The following LYST variants were observed in gnomAD, a reference collection of about 807,000 sequenced individuals.
The protein encoded by LYST is lysosomal-trafficking regulator.
A neutral mutation model predicts 413.6 loss-of-function variants in LYST; 192 were observed. That is an observed-to-expected ratio of 0.46 (90% CI 0.41 to 0.52). The LOEUF is 0.52. Among genes scored for constraint, LYST ranks in the 20% least tolerant of loss-of-function variants. The pLI is 0.00. For missense variants in LYST, 3,815 were observed against 4,499.9 expected (o/e 0.85, Z 4.35); for synonymous variants, 1,525 against 1,567.3 (o/e 0.97, Z 0.64).
rs1393953836 is a variant in LYST, at chr1:235,833,671, C to T, written c.-97-4G>A. On this transcript the variant is annotated splice_polypyrimidine_tract_variant and splice_region_variant and intron_variant, in intron 1 of 52. Transcript: ENST00000389793. ...TATTCTTAGAACAAAGCTTCACCTA[C>T]AAAAAAAAAGACATATTAATCACAA... The T allele has an allele frequency of 7.6e-6, 6 of 787,634 alleles. No individual in the cohort carries two copies. Among genetic ancestry groups the T allele is most frequent in the Non-Finnish European group, 7.7e-6 (5 of 650,632 alleles). The allele number at this position is 787,634 out of a possible 1,614,324, so 48.8% of individuals were successfully genotyped here. A position where few individuals can be genotyped will look rare whatever the true frequency, so the allele number is the denominator to read the frequency against.
chr1:235,708,266 C>T (rs368003763), intron 44 of LYST, among the ~76,000 whole-genome samples: 20 of 152,248 alleles, frequency 1.3e-4, no homozygotes, highest in African/African-American at 4.6e-4. Flanking sequence ...AAATTTCTCC[C>T]TGTTGCTAGT....
upstream of LYST, among the ~76,000 whole-genome samples, chr1:235,871,692 C>T (rs1364151591): frequency 6.6e-6 from 1 of 152,196 alleles, no homozygotes; most frequent in Non-Finnish European, 1.5e-5. Context: ...CTTTTGCTTT[C>T]TAAGGACACC....
At chr1:235,711,277 A>C (rs1345637898) in intron 43 of LYST, among the ~76,000 whole-genome samples, 21 of 152,220 alleles carry the variant, frequency 1.4e-4, no homozygotes. Flanking sequence ...CCCAAATTGC[A>C]GGTGCTGATG....
At chr1:235,840,629 G>C (rs568204211) in intron 1 of LYST, among the ~76,000 whole-genome samples, 1 of 152,270 alleles carries the variant, frequency 6.6e-6, no homozygotes, top group Admixed American at 6.5e-5. Context: ...AGTCAGGGCT[G>C]AGACTCACTG....
intron 1 of LYST, among the ~76,000 whole-genome samples, chr1:235,838,948 T>TTC (rs1000434558): frequency 9.9e-5 from 15 of 151,984 alleles, no homozygotes; most frequent in Admixed American, 7.9e-4. Context: ...GTCATACTCA[T>TTC]TCTCTCTCTC....
At position 235,802,925 on chromosome 1, in the gene LYST, C is replaced by T. The variant is rs760214066; in HGVS notation, c.3695G>A (p.Gly1232Asp). 3 of 1,613,522 alleles carry T rather than the reference C, an allele frequency of 1.9e-6. No homozygotes were observed. The highest frequency in any genetic ancestry group is 1.7e-5 in the Admixed American group (1 of 60,020). The change falls in exon 8 of 53, where the codon GGC becomes GAC. Residue 1232 changes from glycine (G) to aspartate (D), a missense_variant. Physicochemically the swap from Gly to Asp is moderately conservative, Grantham distance 94. Around this residue, in one of 4 missense-constraint regions of LYST, gnomAD observed 1,648 missense variants for 1,810.3 expected, o/e 0.91. Transcript: ENST00000389793. ...EADSESNPED[G>D]ETQDDGVDLK... ...TATTTTACCATCATCCTGGGTTTCG[C>T]CATCTTCAGGATTGCTTTCACTATC...
At chr1:235,685,970 G>GA (rs914689400) in intron 48 of LYST, among the ~76,000 whole-genome samples, 9 of 152,010 alleles carry the variant, frequency 5.9e-5, no homozygotes, top group African/African-American at 1.9e-4. Flanking sequence ...AATTATAATG[G>GA]AAAAAAATGC....
rs1196487671 is a variant in LYST at position 235,771,929 on chromosome 1, T to G, written c.5785-1632A>C. On this transcript the variant is annotated intron_variant, in intron 19 of 52. Transcript: ENST00000389793. ...GGTTTTTTAGTTTGTTTTTTTTTTT[T>G]TTTTTTTTTTTGGCCAGGCATGGGG... Among the ~76,000 whole-genome samples the G allele has an allele frequency of 2.2e-4, 32 of 147,140 alleles. No homozygotes were observed. The East Asian group carries it at 6.1e-3, about 28-fold the overall frequency.
At chr1:235,715,425 A>G in intron 41 of LYST, 68 bp from the exon 42 acceptor site, 6 of 1,500,878 alleles carry the variant, frequency 4.0e-6, no homozygotes, top group South Asian at 2.3e-5. Flanking sequence ...AAAGTGCTGG[A>G]TGTTTTTTTT....
chr1:235,880,009 T>C lies in LYST; in HGVS notation n.454+3178A>G, dbSNP rs147830213. On this transcript the variant is annotated intron_variant and non_coding_transcript_variant, in intron 1 of 11. Coordinates refer to the LYST transcript ENST00000465349. The stretch of plus-strand genomic sequence containing the variant: ...ACCTCAGCCTCCCAAAGTGCTGGGA[T>C]TACAGGTGTGAGCCACCATGCCCAG... Among the ~76,000 whole-genome samples, 38 of 152,338 alleles carry C rather than the reference T, an allele frequency of 2.5e-4. No homozygotes were observed. The East Asian group carries it at 6.9e-3, about 28-fold the overall frequency.
At chr1:235,712,796 T>A (rs1662508465) in intron 42 of LYST, 1 of 984,642 alleles carries the variant, frequency 1.0e-6, no homozygotes, top group African/African-American at 1.7e-5. Flanking sequence ...ATAAGCATAG[T>A]CACTCTTTCG....
intron 3 of LYST, among the ~76,000 whole-genome samples, chr1:235,825,266 C>T (rs2474929): frequency 0.3 from 45,916 of 151,964 alleles, 9,030 homozygotes; most frequent in East Asian, 0.78. Context: ...GGTGAAATAC[C>T]TCATGCTTCT....
chr1:235,783,837 AT>A (rs1315066452), intron 14 of LYST, among the ~76,000 whole-genome samples: 36 of 151,350 alleles, frequency 2.4e-4, no homozygotes, highest in African/African-American at 7.8e-4. Flanking sequence ...CTGTTACCTT[AT>A]TTTAAAAGGC....
chr1:235,759,648 A>C, intron 22 of LYST, 49 bp from the exon 23 acceptor site: 1 of 1,372,414 alleles, frequency 7.3e-7, no homozygotes, highest in East Asian at 2.3e-5. Context: ...ATTAAGTGGA[A>C]CCACCTCTCT....
intron 45 of LYST, among the ~76,000 whole-genome samples, chr1:235,701,890 G>A (rs1661581324): frequency 6.6e-6 from 1 of 152,130 alleles, no homozygotes; most frequent in Non-Finnish European, 1.5e-5. Flanking sequence ...AGCTATGAGC[G>A]CAAATAATTT....
At chr1:235,707,908 T>A (rs1293710199) in intron 44 of LYST, among the ~76,000 whole-genome samples, 1 of 152,170 alleles carries the variant, frequency 6.6e-6, no homozygotes, top group Non-Finnish European at 1.5e-5. Flanking sequence ...ATTATTTACT[T>A]AGCAGTTCAG....
In LYST at chr1:235,715,226, G is replaced by A. The variant is rs1662730808; in HGVS notation, c.9759C>T (p.Phe3253=). The part of the protein sequence containing the change: ...VLHFLVRMPP[F]TKMFLAYQDQ... ...CTTGATAGGCTAAAAACATTTTAGT[G>A]AAAGGAGGCATCCTGACCAGGAAGT... The change falls in exon 42 of 53, where the codon TTC becomes TTT. Residue 3253 remains phenylalanine, a synonymous_variant. Coordinates refer to ENST00000389793, the MANE Select transcript of LYST (RefSeq NM_000081.4). 1 of 1,613,906 alleles carries A rather than the reference G, an allele frequency of 6.2e-7. No homozygotes were observed. The highest frequency in any genetic ancestry group is 8.5e-7 in the Non-Finnish European group (1 of 1,179,966).
chr1:235,879,094 C>T (rs746900657), intron 1 of LYST, among the ~76,000 whole-genome samples: 3 of 152,126 alleles, frequency 2.0e-5, no homozygotes, highest in African/African-American at 7.2e-5. Flanking sequence ...TAACCTCAAA[C>T]CCCTGGGCTC....
Position 235,806,719 on chromosome 1 carries a change from A to G in LYST, c.2417T>C (p.Leu806Ser). Residue 806 changes from leucine to serine, a missense_variant, in exon 6 of 53, where the codon TTA becomes TCA. Coordinates refer to ENST00000389793, the MANE Select transcript of LYST (RefSeq NM_000081.4). ...SCNGVSQIIE[L>S]NCLNGIRSHS... ...ACTTCGAATACCATTTAAGCAATTT[A>G]ATTCGATTATTTGACTTACTCCATT... 1 of 1,613,376 alleles carries G rather than the reference A, an allele frequency of 6.2e-7. No individual in the cohort carries two copies. The highest frequency in any genetic ancestry group is 8.5e-7 in the Non-Finnish European group (1 of 1,179,344).
Sources: gnomAD v4.1 joint callset for allele counts (sites outside exome capture counted in the v4.1 genomes callset) on GRCh38, gnomAD v4.1.1 for gene constraint, gnomAD v4.1.1 regional missense constraint, MANE v1.5 for transcripts, NCBI Gene and HGNC (gene_info 2026-07-23, HGNC 2026-07-21) for gene names.